HMGN5: variants seen among roughly 807,000 people sequenced by gnomAD.
The protein encoded by HMGN5 is high mobility group nucleosome-binding domain-containing protein 5.
HMGN5 carries 4 observed loss-of-function variants against 9.5 expected under a neutral mutation model. The ratio of observed to expected loss-of-function variants is 0.42; its 90% CI spans 0.21 to 0.96. The LOEUF (loss-of-function observed/expected upper bound fraction) is 0.96, where lower values mean the gene tolerates loss of function less well. HMGN5 is among the 40% of genes least tolerant of loss of function. The probability of loss-of-function intolerance (pLI) is 0.30; values close to 1 mark genes in which losing one functional copy is unlikely to be tolerated. For missense variants in HMGN5, 192 were observed against 187.5 expected (o/e 1.02, Z -0.14); for synonymous variants, 55 against 57.1 (o/e 0.96, Z 0.16).
chrX:81,118,518 GA>G, intron 4 of HMGN5, 33 bp from the exon 5 acceptor site: 2 of 1,079,723 alleles, frequency 1.9e-6, no homozygotes, highest in Non-Finnish European at 2.5e-6. Context: ...AAAAGAAAAG[GA>G]AAAAAATCAT....
rs191119510 is a variant in HMGN5 at position 81,167,070 on chromosome X, A to G, written c.-124+34667T>C. Among the ~76,000 whole-genome samples the G allele has an allele frequency of 9.0e-5, 10 of 111,490 alleles. No homozygotes were observed. In the East Asian group the frequency reaches 2.6e-3, roughly 29 times the overall value. On this transcript the variant is annotated intron_variant, in intron 1 of 6. Transcript: ENST00000358130. ...ATTTTAAGGCTTCAATCTATGTTAT[A>G]GGGCCAAGATTAGCAAGAAAGGTGT... is the stretch of plus-strand genomic sequence containing the variant.
At chrX:81,131,697 T>G (rs1045643597) in intron 1 of HMGN5, among the ~76,000 whole-genome samples, 2 of 111,469 alleles carry the variant, frequency 1.8e-5, no homozygotes, top group Admixed American at 9.6e-5. Flanking sequence ...ATAAGCTAAG[T>G]ATTGAATGAA....
chrX:81,178,276 C>T (rs944616004), intron 1 of HMGN5, among the ~76,000 whole-genome samples: 1 of 111,261 alleles, frequency 9.0e-6, no homozygotes, highest in African/African-American at 3.3e-5. Flanking sequence ...AATCCATGAG[C>T]TGGTTTTTTG....
intron 1 of HMGN5, among the ~76,000 whole-genome samples, chrX:81,169,430 C>T (rs1212183448): frequency 9.0e-6 from 1 of 111,335 alleles, no homozygotes; most frequent in Non-Finnish European, 1.9e-5. Flanking sequence ...ACCACTGTTC[C>T]ACTTAGGCTT....
chrX:81,183,371 C>A (rs777858135), intron 1 of HMGN5, among the ~76,000 whole-genome samples: 10 of 112,594 alleles, frequency 8.9e-5, no homozygotes, highest in Non-Finnish European at 1.7e-4. Context: ...AGGGAAGAAT[C>A]ATTTCCTGAG....
intron 1 of HMGN5, among the ~76,000 whole-genome samples, chrX:81,170,220 G>A (rs1311531168): frequency 1.8e-5 from 2 of 110,384 alleles, no homozygotes; most frequent in Non-Finnish European, 3.8e-5. Flanking sequence ...TTACATAGTA[G>A]CCAAGAAGAC....
intron 1 of HMGN5, among the ~76,000 whole-genome samples, chrX:81,151,804 C>G (rs1016974999): frequency 9.1e-6 from 1 of 110,373 alleles, no homozygotes; most frequent in East Asian, 2.8e-4. Context: ...ATTTTATATC[C>G]TGAGACTTTG....
At position 81,190,160 on chromosome X, in the gene HMGN5, T is replaced by C. The variant is rs147158779; in HGVS notation, c.-124+11577A>G. ...TTAAGTATTCGTATATTTTGTATAT[T>C]TTGTTATTTGTATATTTTGTAAAAC... On this transcript the variant is annotated intron_variant, in intron 1 of 6. Transcript: ENST00000358130. Among the ~76,000 whole-genome samples, 1,024 of 111,866 alleles carry C rather than the reference T, an allele frequency of 9.2e-3. 17 individuals are homozygous for C. Among genetic ancestry groups the C allele is most frequent in the African/African-American group, 0.031 (948 of 30,885 alleles).
chrX:81,170,814 C>A (rs2075424183), intron 1 of HMGN5, among the ~76,000 whole-genome samples: 1 of 111,115 alleles, frequency 9.0e-6, no homozygotes, highest in Non-Finnish European at 1.9e-5. Flanking sequence ...GTGCCAGATG[C>A]TTCCTTTAAA....
chrX:81,176,983 A>G (rs1386985482), intron 1 of HMGN5, among the ~76,000 whole-genome samples: 1 of 110,201 alleles, frequency 9.1e-6, no homozygotes, highest in Non-Finnish European at 1.9e-5. Context: ...AGCAAGACAC[A>G]TAATTGTCAG....
intron 1 of HMGN5, among the ~76,000 whole-genome samples, chrX:81,126,800 T>G (rs1419133657): frequency 8.9e-6 from 1 of 111,904 alleles, no homozygotes; most frequent in South Asian, 3.7e-4. Context: ...TGTTTTGATA[T>G]ACATATAATG....
At chrX:81,161,635 T>A (rs2075397943) in intron 1 of HMGN5, among the ~76,000 whole-genome samples, 1 of 110,376 alleles carries the variant, frequency 9.1e-6, no homozygotes, top group Non-Finnish European at 1.9e-5. Context: ...AAGAGAGTGA[T>A]AGAAAAAAGC....
At position 81,116,298 on chromosome X, in the gene HMGN5, G is replaced by T. The variant is rs747647780; in HGVS notation, c.173C>A (p.Thr58Lys). Residue 58 changes from threonine to lysine, a missense_variant, in exon 6 of 7, where the codon ACA becomes AAA. Transcript: ENST00000358130. ...GGTTTCAGCAACTGCTTGGGCACTT[G>T]TATCTATGTTTTCTTCCATCATATC... Reference protein sequence around the residue: ...KSDMMEENIDTSAQAVAETKQ... With the variant: ...KSDMMEENIDKSAQAVAETKQ... The T allele has an allele frequency of 1.0e-5, 12 of 1,190,866 alleles. No homozygotes were observed. The highest frequency in any genetic ancestry group is 1.3e-5 in the Non-Finnish European group (11 of 879,378).
At chrX:81,133,726 G>T (rs1464811703) in intron 1 of HMGN5, among the ~76,000 whole-genome samples, 1 of 110,830 alleles carries the variant, frequency 9.0e-6, no homozygotes, top group Non-Finnish European at 1.9e-5. Flanking sequence ...AGGGTGGGAG[G>T]AGGGAGAGGA....
intron 1 of HMGN5, among the ~76,000 whole-genome samples, chrX:81,176,893 A>G (rs2075443732): frequency 9.0e-6 from 1 of 111,054 alleles, no homozygotes; most frequent in Non-Finnish European, 1.9e-5. Context: ...CCCAACCTAG[A>G]AAGACCTAGA....
chrX:81,121,445 A>T (rs1341141645), intron 2 of HMGN5, 90 bp downstream of exon 2: 8 of 981,753 alleles, frequency 8.1e-6, no homozygotes, highest in Middle Eastern at 2.6e-4. Context: ...AAAAAGCTTT[A>T]AAAAAAACCA....
chrX:81,156,315 A>G (rs886932236), intron 1 of HMGN5, among the ~76,000 whole-genome samples: 1 of 112,058 alleles, frequency 8.9e-6, no homozygotes, highest in African/African-American at 3.2e-5. Flanking sequence ...ACAGAAGTGA[A>G]GCCAGGCTAA....
In HMGN5 at chrX:81,156,799, C is replaced by T. The variant is rs1247036562; in HGVS notation, c.-123-35127G>A. Among the ~76,000 whole-genome samples the T allele has an allele frequency of 2.7e-5, 3 of 109,793 alleles. No individual in the cohort carries two copies. The East Asian group carries it at 8.6e-4, about 31-fold the overall frequency. ...TCTTCTGTCTTCTGTTGAGAGATGG[C>T]TTCTCCGAAGATTGATTTCTTGTCT... On this transcript the variant is annotated intron_variant, in intron 1 of 6. Coordinates refer to ENST00000358130, the MANE Select transcript of HMGN5 (RefSeq NM_030763.3).
At chrX:81,167,619 T>C (rs2075414696) in intron 1 of HMGN5, among the ~76,000 whole-genome samples, 1 of 112,405 alleles carries the variant, frequency 8.9e-6, no homozygotes, top group Admixed American at 9.5e-5. Flanking sequence ...TTTAATAGCT[T>C]AGTGGATTAA....
Sources: allele counts gnomAD v4.1 joint callset (sites outside exome capture counted in the v4.1 genomes callset), GRCh38; gene constraint gnomAD v4.1.1; transcripts MANE v1.5; gene names NCBI Gene and HGNC (gene_info 2026-07-23, HGNC 2026-07-21).